KCNAB1: variants seen among roughly 807,000 people sequenced by gnomAD.
KCNAB1 encodes the protein voltage-gated potassium channel subunit beta-1.
A neutral mutation model predicts 64.6 loss-of-function variants in KCNAB1; 35 were observed. The ratio of observed to expected loss-of-function variants is 0.54; its 90% confidence interval spans 0.41 to 0.72. The LOEUF is 0.72. KCNAB1 is among the 30% of genes least tolerant of loss of function. KCNAB1 has a pLI of 0.00. For missense variants in KCNAB1, 401 were observed against 512.9 expected, an observed-to-expected ratio of 0.78 and a Z score of 2.11; for synonymous variants, 177 against 183.8, an observed-to-expected ratio of 0.96 and a Z score of 0.30.
chr3:156,491,806 T>C (rs1715650083), intron 8 of KCNAB1, among the ~76,000 whole-genome samples: 1 of 152,118 alleles, frequency 6.6e-6, no homozygotes, highest in Non-Finnish European at 1.5e-5. Context: ...TAATACACGC[T>C]AGCTATCTAA....
At chr3:156,525,752 G>A (rs1282097736) in intron 12 of KCNAB1, among the ~76,000 whole-genome samples, 1 of 152,224 alleles carries the variant, frequency 6.6e-6, no homozygotes, top group Admixed American at 6.5e-5. Flanking sequence ...CTGACCTCGT[G>A]ATCCGCCTGC....
chr3:156,364,478 G>C (rs1259918390), intron 1 of KCNAB1, among the ~76,000 whole-genome samples: 1 of 152,058 alleles, frequency 6.6e-6, no homozygotes, highest in East Asian at 1.9e-4. Context: ...CCTCTGTGTG[G>C]TTTAAAACTG....
At chr3:156,176,049 A>T in intron 1 of KCNAB1, 1 of 774,638 alleles carries the variant, frequency 1.3e-6, no homozygotes, top group East Asian at 2.5e-5. Flanking sequence ...GTGACCAAGA[A>T]CATCTTAGAA....
chr3:156,427,768 A>G (rs768576017), intron 2 of KCNAB1, among the ~76,000 whole-genome samples: 2 of 152,132 alleles, frequency 1.3e-5, no homozygotes, highest in Non-Finnish European at 2.9e-5. Flanking sequence ...CGGGGAACCT[A>G]CCACATACAC....
intron 1 of KCNAB1, among the ~76,000 whole-genome samples, chr3:156,188,330 A>G (rs1713336379): frequency 6.6e-6 from 1 of 152,104 alleles, no homozygotes; most frequent in Non-Finnish European, 1.5e-5. Context: ...TCAGCATTTT[A>G]GTGGACCTCC....
At chr3:156,247,874 CTTTTT>C (rs369699971) in intron 1 of KCNAB1, among the ~76,000 whole-genome samples, 1 of 151,260 alleles carries the variant, frequency 6.6e-6, no homozygotes. Flanking sequence ...CTAGGACAGT[CTTTTT>C]TTTTGTGTCA....
At chr3:156,317,671 A>G (rs954097740) in intron 1 of KCNAB1, among the ~76,000 whole-genome samples, 1 of 152,166 alleles carries the variant, frequency 6.6e-6, no homozygotes, top group Non-Finnish European at 1.5e-5. Flanking sequence ...GAGCAGGAAA[A>G]GGCAGAAGGG....
chr3:156,287,236 A>C (rs1720142919), intron 1 of KCNAB1, among the ~76,000 whole-genome samples: 2 of 151,954 alleles, frequency 1.3e-5, no homozygotes, highest in Non-Finnish European at 2.9e-5. Context: ...TATGGGAGAC[A>C]TTAATGCCAA....
In KCNAB1 at chr3:156,185,671, A is replaced by AG. The variant is rs548004767; in HGVS notation, c.275+64788dup. ...GGGTAGAGAAGTAACTAGGAAGATA[A>AG]GGGTTAGTGTAACAAGGTTTGTACA... On this transcript the variant is annotated intron_variant, in intron 1 of 13. Coordinates refer to ENST00000490337, the MANE Select transcript of KCNAB1 (RefSeq NM_172160.3). 3.2e-3 allele frequency among the ~76,000 whole-genome samples: 484 copies of AG among 152,314 alleles called. 2 individuals carry two copies. The highest frequency in any genetic ancestry group is 0.011 in the African/African-American group (459 of 41,578).
chr3:156,320,582 G>A (rs1345657829), intron 1 of KCNAB1, among the ~76,000 whole-genome samples: 1 of 152,176 alleles, frequency 6.6e-6, no homozygotes, highest in Non-Finnish European at 1.5e-5. Context: ...AATCTAGAAA[G>A]TGGGAGGCTA....
intron 1 of KCNAB1, among the ~76,000 whole-genome samples, chr3:156,234,313 C>T (rs1033647700): frequency 1.3e-5 from 2 of 151,846 alleles, no homozygotes; most frequent in Non-Finnish European, 2.9e-5. Flanking sequence ...TGGGAAAGAC[C>T]CTGTAGAGAA....
chr3:156,274,161 T>TA (rs1400825970), intron 1 of KCNAB1, among the ~76,000 whole-genome samples: 4 of 152,130 alleles, frequency 2.6e-5, no homozygotes, highest in Non-Finnish European at 4.4e-5. Context: ...GGGTAACTGA[T>TA]ACATACCTTG....
At chr3:156,172,441 A>G (rs1479979163) in intron 1 of KCNAB1, among the ~76,000 whole-genome samples, 1 of 152,030 alleles carries the variant, frequency 6.6e-6, no homozygotes, top group Non-Finnish European at 1.5e-5. Context: ...CACCACACCC[A>G]GCTAATTTTT....
intron 1 of KCNAB1, chr3:156,176,253 G>A (rs1712364573): frequency 2.4e-6 from 2 of 836,974 alleles, no homozygotes; most frequent in Admixed American, 1.7e-5. Flanking sequence ...GTTTGTTCTG[G>A]CACAGGTCCC....
chr3:156,459,835 T>A lies in KCNAB1; in HGVS notation c.446T>A (p.Val149Glu). The change falls in exon 5 of 14, where the codon GTG becomes GAG. Residue 149 changes from valine to glutamate, a missense_variant. By Grantham distance (121) the Val-to-Glu change is moderately radical. Coordinates refer to ENST00000490337, the MANE Select transcript of KCNAB1 (RefSeq NM_172160.3). Reference sequence around the variant, plus strand: ...TCTGTTTCCCCTTCCAGGGCTGAAGTGATTCTGGGGAGCATCATCAAGAAG... The same window carrying A: ...TCTGTTTCCCCTTCCAGGGCTGAAGAGATTCTGGGGAGCATCATCAAGAAG... ...AEVYAAGKAE[V>E]ILGSIIKKKG... The A allele has an allele frequency of 6.2e-7, 1 of 1,610,258 alleles. No individual in the cohort carries two copies. Among genetic ancestry groups the A allele is most frequent in the Non-Finnish European group, 8.5e-7 (1 of 1,176,930 alleles).
chr3:156,443,043 A>T (rs1231682205), intron 2 of KCNAB1, among the ~76,000 whole-genome samples: 1 of 152,152 alleles, frequency 6.6e-6, no homozygotes, highest in Non-Finnish European at 1.5e-5. Context: ...AAGCTTTTTT[A>T]AAAAATTTCA....
chr3:156,436,104 G>A (rs1441137927), intron 2 of KCNAB1, among the ~76,000 whole-genome samples: 5 of 151,488 alleles, frequency 3.3e-5, no homozygotes, highest in Middle Eastern at 3.4e-3. Context: ...AGTGTGTGTT[G>A]TTACCCTCCC....
At chr3:156,144,678 AC>A (rs569599207) in intron 1 of KCNAB1, among the ~76,000 whole-genome samples, 85 of 152,126 alleles carry the variant, frequency 5.6e-4, no homozygotes, top group African/African-American at 1.7e-3. Flanking sequence ...TGTTTCCTCG[AC>A]CCTCAGTGGT....
chr3:156,360,918 C>T lies in KCNAB1; in HGVS notation c.276-60698C>T, dbSNP rs566837801. Among the ~76,000 whole-genome samples the T allele has an allele frequency of 4.6e-5, 7 of 152,194 alleles. 1 individual carries two copies. The South Asian group carries it at 1.5e-3, about 32-fold the overall frequency. On this transcript the variant is annotated intron_variant, in intron 1 of 13. Transcript: ENST00000490337. ...TGCCATCTCTCGCCTGGGTTACTGCCACAGCCTCCTAACCGATCCTGCTGC... is the reference window on the plus strand; with the variant it reads ...TGCCATCTCTCGCCTGGGTTACTGCTACAGCCTCCTAACCGATCCTGCTGC...
Sources: gnomAD v4.1 joint callset for allele counts (sites outside exome capture counted in the v4.1 genomes callset) on GRCh38, gnomAD v4.1.1 for gene constraint, MANE v1.5 for transcripts, NCBI Gene and HGNC (gene_info 2026-07-23, HGNC 2026-07-21) for gene names.